COBLL1: variants seen among roughly 807,000 people sequenced by gnomAD.
The protein encoded by COBLL1 is cordon-bleu WH2 repeat protein like 1, also known as cordon-bleu protein-like 1.
Under a neutral mutation model 94.8 loss-of-function variants are expected in COBLL1, and 50 were observed. The ratio of observed to expected loss-of-function variants is 0.53; its 90% confidence interval spans 0.42 to 0.67. COBLL1 has a LOEUF of 0.67. Ranked by LOEUF, COBLL1 falls within the 30% of genes least tolerant of loss-of-function variation. COBLL1 has a pLI of 0.00. For synonymous variants in COBLL1, 448 were observed against 473.8 expected (o/e 0.95, Z 0.71); for missense variants, 1,362 against 1,348.7 (o/e 1.01, Z -0.15).
chr2:164,669,483 G>A (rs1691213706), intron 1 of COBLL1, among the ~76,000 whole-genome samples: 2 of 152,184 alleles, frequency 1.3e-5, no homozygotes, highest in African/African-American at 4.8e-5. Flanking sequence ...TTATGCCAAA[G>A]ACTTTCTTGC....
At chr2:164,797,159 C>G (rs1302683574) in intron 2 of COBLL1, among the ~76,000 whole-genome samples, 1 of 152,160 alleles carries the variant, frequency 6.6e-6, no homozygotes, top group African/African-American at 2.4e-5. Context: ...TCATAAGTTA[C>G]AGGTAGAATG....
intron 2 of COBLL1, among the ~76,000 whole-genome samples, chr2:164,830,212 C>A (rs762024589): frequency 6.6e-6 from 1 of 152,166 alleles, no homozygotes; most frequent in Non-Finnish European, 1.5e-5. Context: ...ATTTGTGGTA[C>A]CTTTGTGTTC....
chr2:164,694,656 C>T lies in COBLL1; in HGVS notation c.2736G>A (p.Pro912=), dbSNP rs765171117. 1.7e-5 allele frequency: 28 copies of T among 1,613,548 alleles called. No homozygotes were observed. Among genetic ancestry groups the T allele is most frequent in the African/African-American group, 4.0e-5 (3 of 74,814 alleles). ...KEAERDMLPS[P]EQTLSPLSKM... ...TACTTAAGGGAGAAAGAGTCTGCTC[C>T]GGAGAAGGCAGCATATCCCTTTCTG... Residue 912 remains proline, a synonymous_variant, in exon 12 of 14, where the codon CCG becomes CCA. Transcript: ENST00000652658.
At chr2:164,727,033 TA>T in intron 5 of COBLL1, 1 of 770,174 alleles carries the variant, frequency 1.3e-6, no homozygotes, top group Non-Finnish European at 2.1e-6. Flanking sequence ...TAAGAAAGGG[TA>T]AAATTAGAAG....
At chr2:164,822,190 A>T (rs1170793383) in intron 2 of COBLL1, among the ~76,000 whole-genome samples, 1 of 152,212 alleles carries the variant, frequency 6.6e-6, no homozygotes, top group Non-Finnish European at 1.5e-5. Flanking sequence ...AGATTCAACC[A>T]CAGGTCCCCC....
chr2:164,838,805 G>C (rs1683446005), intron 2 of COBLL1, among the ~76,000 whole-genome samples: 1 of 152,174 alleles, frequency 6.6e-6, no homozygotes, highest in South Asian at 2.1e-4. Context: ...AAAGTAATGA[G>C]TTATGATATA....
intron 2 of COBLL1, among the ~76,000 whole-genome samples, chr2:164,805,097 T>C (rs969439817): frequency 1.1e-4 from 16 of 151,688 alleles, no homozygotes; most frequent in African/African-American, 3.9e-4. Context: ...CTTTTCCATA[T>C]TAATATTTGA....
Position 164,695,200 on chromosome 2 carries a change from A to G in COBLL1, c.2192T>C (p.Met731Thr), listed in dbSNP as rs1419666245. The change falls in exon 12 of 14, where the codon ATG becomes ACG. Residue 731 changes from methionine to threonine, a missense_variant. By Grantham distance (81) the Met-to-Thr change is moderately conservative. Coordinates refer to ENST00000652658, the MANE Select transcript of COBLL1 (RefSeq NM_001365672.2). Reference protein sequence around the residue: ...ITREYIPKIGMTTYKIVPPKS... With the variant: ...ITREYIPKIGTTTYKIVPPKS... ...GGGAGGCACTATTTTATAAGTAGTC[A>G]TGCCAATTTTGGGTATATACTCTCG... 2 of 1,613,878 alleles carry G rather than the reference A, an allele frequency of 1.2e-6. No homozygotes were observed. The highest frequency in any genetic ancestry group is 1.7e-5 in the Admixed American group (1 of 59,980).
intron 2 of COBLL1, among the ~76,000 whole-genome samples, chr2:164,746,982 T>G (rs2105572573): frequency 6.6e-6 from 1 of 152,258 alleles, no homozygotes; most frequent in Non-Finnish European, 1.5e-5. Flanking sequence ...GGGACTTGTC[T>G]CTACCACCTT....
chr2:164,766,808 A>T (rs1687953476), intron 2 of COBLL1, among the ~76,000 whole-genome samples: 1 of 152,220 alleles, frequency 6.6e-6, no homozygotes, highest in South Asian at 2.1e-4. Context: ...ATTTAAAATT[A>T]TAATTTACTC....
intron 7 of COBLL1, among the ~76,000 whole-genome samples, chr2:164,711,837 G>A (rs1022043801): frequency 6.6e-6 from 1 of 152,088 alleles, no homozygotes; most frequent in Non-Finnish European, 1.5e-5. Flanking sequence ...ACTTACTAGG[G>A]GAAACTGCTT....
rs1683913561 is a variant in COBLL1 at position 164,695,790 on chromosome 2, A to G, written c.1602T>C (p.Asn534=). The change falls in exon 12 of 14, where the codon AAT becomes AAC. Residue 534 remains asparagine (N), a synonymous_variant. Transcript: ENST00000652658. ...IIVYPENTED[N]MKNGVKKTEI... ...CTGTTTTCTTCACTCCATTTTTCAT[A>G]TTGTCTTCTGTGTTCTCTGGATAGA... 2 of 1,609,802 alleles carry G rather than the reference A, an allele frequency of 1.2e-6. 1 individual carries two copies. Among genetic ancestry groups the G allele is most frequent in the African/African-American group, 2.7e-5 (2 of 74,742 alleles).
intron 2 of COBLL1, among the ~76,000 whole-genome samples, chr2:164,764,278 G>A (rs903431720): frequency 6.6e-6 from 1 of 152,116 alleles, no homozygotes; most frequent in African/African-American, 2.4e-5. Context: ...GTAACCAGTT[G>A]TCTTACTATT....
intron 2 of COBLL1, among the ~76,000 whole-genome samples, chr2:164,828,558 TG>T (rs1685545598): frequency 1.3e-5 from 2 of 152,134 alleles, no homozygotes; most frequent in South Asian, 4.1e-4. Context: ...AAGCAACGTA[TG>T]AAGCAGCACT....
intron 2 of COBLL1, among the ~76,000 whole-genome samples, chr2:164,799,773 A>G (rs1431039630): frequency 1.3e-5 from 2 of 152,226 alleles, no homozygotes; most frequent in Non-Finnish European, 2.9e-5. Flanking sequence ...AAAATAGACA[A>G]TCTAGAAATA....
chr2:164,824,732 G>T (rs1283026173), intron 2 of COBLL1, among the ~76,000 whole-genome samples: 1 of 151,932 alleles, frequency 6.6e-6, no homozygotes, highest in Non-Finnish European at 1.5e-5. Context: ...TTTATCTCTA[G>T]GTGGCTTGCA....
intron 2 of COBLL1, among the ~76,000 whole-genome samples, chr2:164,809,939 T>C (rs921155896): frequency 2.0e-5 from 3 of 151,788 alleles, no homozygotes; most frequent in Admixed American, 1.3e-4. Flanking sequence ...AGCCCTCTTT[T>C]AAATAAATGC....
rs536488415 is a variant in COBLL1 at position 164,682,135 on chromosome 2, T to C, written c.*3811A>G. ...GGACTCTGAGACTCCTCTGCTTCTG[T>C]GACCTTTGTAAAGTAGCAATCTTTG... On this transcript the variant is annotated 3_prime_UTR_variant, in exon 14 of 14. Transcript: ENST00000652658. 20 of 152,340 alleles carry C rather than the reference T, an allele frequency of 1.3e-4. No homozygotes were observed. Among genetic ancestry groups the C allele is most frequent in the Admixed American group, 1.2e-3 (18 of 15,292 alleles). The allele number at this position is 152,340 out of a possible 1,614,324, so 9.4% of individuals were successfully genotyped here.
rs565752822 is a variant in COBLL1, at chr2:164,792,326, A to G, written c.42-48451T>C. On this transcript the variant is annotated intron_variant, in intron 2 of 13. Transcript: ENST00000652658. The stretch of plus-strand genomic sequence containing the variant: ...TTATTTTTTGTATAGATGGGGTCTC[A>G]CTATGTTGCCCAGGCTGGTCTCAAA... 2.0e-5 allele frequency among the ~76,000 whole-genome samples: 3 copies of G among 151,988 alleles called. No homozygotes were observed. The East Asian group carries it at 5.8e-4, about 30-fold the overall frequency.
Sources: allele counts gnomAD v4.1 joint callset (sites outside exome capture counted in the v4.1 genomes callset), GRCh38; gene constraint gnomAD v4.1.1; transcripts MANE v1.5; gene names NCBI Gene and HGNC (gene_info 2026-07-23, HGNC 2026-07-21).